CARS2: variants seen among roughly 807,000 people sequenced by gnomAD.
The protein encoded by CARS2 is probable cysteine--tRNA ligase, mitochondrial.
In CARS2, 52 loss-of-function variants were observed where a neutral mutation model predicts 68.8. The observed-to-expected ratio is 0.76, with a 90% CI of 0.61 to 0.95. The LOEUF (loss-of-function observed/expected upper bound fraction) is 0.95, where lower values mean the gene tolerates loss of function less well. CARS2 is among the 40% of genes least tolerant of loss of function. The probability of loss-of-function intolerance (pLI) is 0.00; values close to 1 mark genes in which losing one functional copy is unlikely to be tolerated. For synonymous variants in CARS2, 314 were observed against 303.6 expected (o/e 1.03, Z -0.36); for missense variants, 780 against 754.2 (o/e 1.03, Z -0.40).
intron 8 of CARS2, chr13:110,666,489 G>A (rs12584848): frequency 0.15 from 149,821 of 985,220 alleles, 12,114 homozygotes; most frequent in Admixed American, 0.28. Context: ...TGGGTTCCCC[G>A]ACTCAACAGG....
chr13:110,642,486 A>C lies in CARS2; in HGVS notation c.1452T>G (p.His484Gln). ...VSGDGSEATLHGVVDELVRFR... is the reference protein window; with the variant it reads ...VSGDGSEATLQGVVDELVRFR... ...ACCGCACCAGCTCGTCCACCACACC[A>C]TGCAAGGTAGCCTCGCTGCCGTCTC... The change falls in exon 14 of 15, where the codon CAT becomes CAG. Residue 484 changes from histidine to glutamine, a missense_variant. Transcript: ENST00000257347. 2.5e-6 allele frequency: 4 copies of C among 1,610,256 alleles called. No individual in the cohort carries two copies. Among genetic ancestry groups the C allele is most frequent in the Non-Finnish European group, 3.4e-6 (4 of 1,178,758 alleles).
intron 9 of CARS2, among the ~76,000 whole-genome samples, chr13:110,662,443 C>T (rs564913062): frequency 2.6e-5 from 4 of 152,390 alleles, no homozygotes; most frequent in African/African-American, 9.6e-5. Context: ...GGGCTCCAAC[C>T]TTCCTCTGTG....
Position 110,667,399 on chromosome 13 carries a change from A to G in CARS2, c.860T>C (p.Ile287Thr). 6.2e-7 allele frequency: 1 copy of G among 1,613,516 alleles called. No homozygotes were observed. The highest frequency in any genetic ancestry group is 8.5e-7 in the Non-Finnish European group (1 of 1,179,450). The change falls in exon 8 of 15, where the codon ATT becomes ACT. Residue 287 changes from isoleucine to threonine, a missense_variant. Transcript: ENST00000257347. ...CTGATGAAAGACTTCGCACTGTGCA[A>G]TTTCGTTTTCATGATGTGGAAAAGC... ...DLAFPHHENE[I>T]AQCEVFHQCE...
chr13:110,700,357 G>A (rs969247264), intron 3 of CARS2, among the ~76,000 whole-genome samples: 10 of 152,190 alleles, frequency 6.6e-5, no homozygotes, highest in Non-Finnish European at 1.2e-4. Context: ...CCACACCAGC[G>A]CACTGCATCA....
chr13:110,692,393 C>T (rs1355707684), intron 3 of CARS2, among the ~76,000 whole-genome samples: 2 of 151,670 alleles, frequency 1.3e-5, no homozygotes. Flanking sequence ...ATCGCCTGAA[C>T]CCGGGAGGCG....
chr13:110,647,064 G>A lies in CARS2; in HGVS notation c.1193+37C>T, dbSNP rs772568403. ...ACCAGCAGCACCCAGCAGGCCACAG[G>A]AGGGGTGCCACGCCGGGTGCTAGGC... On this transcript the variant is annotated intron_variant, in intron 11 of 14. Transcript: ENST00000257347. 4.6e-6 allele frequency: 7 copies of A among 1,530,242 alleles called. No individual in the cohort carries two copies. The Admixed American group carries it at 5.9e-5, about 13-fold the overall frequency. 94.8% of individuals were successfully genotyped at this position (1,530,242 alleles called of 1,614,324 possible). A position where few individuals can be genotyped will look rare whatever the true frequency, so the allele number is the denominator to read the frequency against.
Position 110,668,923 on chromosome 13 carries a change from C to T in CARS2, c.786-1450G>A, listed in dbSNP as rs556339118. ...TTTGAAACTCACTAAATGTTTTCTA[C>T]CTGCTTTAGAGAAATTATTTGAATC... is the stretch of plus-strand genomic sequence containing the variant. On this transcript the variant is annotated intron_variant, in intron 7 of 14. Transcript: ENST00000257347. The surrounding 1 kb of genome is among the most constrained non-coding windows in gnomAD (Gnocchi z 4.1). Among the ~76,000 whole-genome samples the T allele has an allele frequency of 2.0e-5, 3 of 152,298 alleles. No homozygotes were observed. Among genetic ancestry groups the T allele is most frequent in the African/African-American group, 7.2e-5 (3 of 41,562 alleles).
intron 5 of CARS2, among the ~76,000 whole-genome samples, chr13:110,684,313 T>C (rs2063235998): frequency 6.6e-6 from 1 of 152,068 alleles, no homozygotes; most frequent in Non-Finnish European, 1.5e-5. Context: ...AGTTACTGAT[T>C]TGCATCAGTA....
chr13:110,641,671 A>G, intron 14 of CARS2, 63 bp from the exon 15 acceptor site: 1 of 1,350,408 alleles, frequency 7.4e-7, no homozygotes, highest in Non-Finnish European at 1.1e-6. Flanking sequence ...CAGGGGGCTG[A>G]CAGGCGTAAT....
upstream of CARS2, among the ~76,000 whole-genome samples, chr13:110,709,079 TTTC>T (rs1266660377): frequency 1.6e-4 from 24 of 149,172 alleles, no homozygotes; most frequent in East Asian, 4.7e-3. Flanking sequence ...TTTTCTCTTT[TTTC>T]TTTTTTTTTT....
Position 110,650,742 on chromosome 13 carries a change from A to G in CARS2, c.1054+292T>C, listed in dbSNP as rs991458143. ...GGCCCCTTCCAATCTCCCAGTTCAC[A>G]CAGCAGGAAGCCGAGGTGCTGCGGG... On this transcript the variant is annotated intron_variant, in intron 10 of 14. Transcript: ENST00000257347. The G allele has an allele frequency of 2.6e-5, 9 of 349,158 alleles. No individual in the cohort carries two copies. The South Asian group carries it at 3.4e-4, about 13-fold the overall frequency. 21.6% of individuals were successfully genotyped at this position (349,158 alleles called of 1,614,324 possible).
exon 1 of CARS2, chr13:110,713,492 C>T (rs569027963): frequency 4.1e-6 from 4 of 987,484 alleles, no homozygotes; most frequent in East Asian, 2.3e-4. Context: ...CTGACGCTGT[C>T]CCCTCCGCGA....
chr13:110,683,756 C>A (rs2063218691), intron 5 of CARS2, among the ~76,000 whole-genome samples: 1 of 152,212 alleles, frequency 6.6e-6, no homozygotes, highest in South Asian at 2.1e-4. Flanking sequence ...GTGGCTCACG[C>A]CTCCAATCCC....
intron 10 of CARS2, chr13:110,649,382 T>G (rs929864344): frequency 5.3e-5 from 8 of 151,452 alleles, no homozygotes; most frequent in African/African-American, 1.9e-4. Flanking sequence ...TGGTCAAAGG[T>G]GCAGGTGTCT....
At chr13:110,690,234 A>G (rs2063419372) in intron 3 of CARS2, among the ~76,000 whole-genome samples, 1 of 152,188 alleles carries the variant, frequency 6.6e-6, no homozygotes, top group Non-Finnish European at 1.5e-5. Context: ...TCTCAAAAAA[A>G]TAAAAAATAA....
chr13:110,705,751 T>C lies in CARS2; in HGVS notation c.224+119A>G. ...AAAAGCACCGCGCACCCCCAGCTTCTAGAACGGCGCCCTCCATGCAGCTTC... is the reference window on the plus strand; with the variant it reads ...AAAAGCACCGCGCACCCCCAGCTTCCAGAACGGCGCCCTCCATGCAGCTTC... On this transcript the variant is annotated intron_variant, in intron 1 of 14. Transcript: ENST00000257347. This position sits in a 1 kb window ranked among gnomAD's most constrained non-coding sequence, Gnocchi z 4.0. The C allele has an allele frequency of 6.5e-7, 1 of 1,536,554 alleles. No individual in the cohort carries two copies. Among genetic ancestry groups the C allele is most frequent in the Non-Finnish European group, 8.7e-7 (1 of 1,145,230 alleles).
At chr13:110,708,466 A>G (rs909991894), upstream of CARS2, among the ~76,000 whole-genome samples, 1 of 152,236 alleles carries the variant, frequency 6.6e-6, no homozygotes, top group Admixed American at 6.5e-5. Flanking sequence ...GTATATTTGA[A>G]TTGTTCATAG....
intron 5 of CARS2, among the ~76,000 whole-genome samples, chr13:110,686,858 C>T (rs1594369030): frequency 6.6e-6 from 1 of 151,938 alleles, no homozygotes; most frequent in East Asian, 1.9e-4. Flanking sequence ...ATGCCTGGCC[C>T]TGCAACTTTT....
At chr13:110,680,346 T>C (rs1397239343) in intron 6 of CARS2, among the ~76,000 whole-genome samples, 1 of 151,958 alleles carries the variant, frequency 6.6e-6, no homozygotes, top group African/African-American at 2.4e-5. Context: ...TGAACCGAGA[T>C]CATGCCACTG....
Sources: gnomAD v4.1 joint callset for allele counts (sites outside exome capture counted in the v4.1 genomes callset) on GRCh38, gnomAD v4.1.1 for gene constraint, Gnocchi (gnomAD v3.1) non-coding constraint, MANE v1.5 for transcripts, NCBI Gene and HGNC (gene_info 2026-07-23, HGNC 2026-07-21) for gene names.